Variants in ADGRL3 observed in about 807,000 individuals in gnomAD.
ADGRL3 encodes calcium-independent alpha-latrotoxin receptor 3.
ADGRL3 carries 62 observed loss-of-function variants against 153.5 expected under a neutral mutation model. The observed-to-expected ratio is 0.40, with a 90% CI of 0.33 to 0.50. ADGRL3 has a LOEUF of 0.50. ADGRL3 is among the 20% of genes least tolerant of loss of function. ADGRL3 has a pLI of 0.47. For synonymous variants in ADGRL3, 710 were observed against 672.5 expected (o/e 1.06, Z -0.86); for missense variants, 1,641 against 1,859.4 (o/e 0.88, Z 2.16).
chr4:61,673,165 T>C (rs1019285031), intron 5 of ADGRL3, among the ~76,000 whole-genome samples: 2 of 151,960 alleles, frequency 1.3e-5, no homozygotes, highest in East Asian at 3.9e-4. Flanking sequence ...AGAATGGTAG[T>C]TTCCAGAAGC....
chr4:61,976,047 G>A (rs1236577944), intron 17 of ADGRL3, among the ~76,000 whole-genome samples: 1 of 152,038 alleles, frequency 6.6e-6, no homozygotes, highest in Non-Finnish European at 1.5e-5. Context: ...TAATAGAAGT[G>A]GGAATATAAT....
intron 3 of ADGRL3, among the ~76,000 whole-genome samples, chr4:61,504,996 T>C (rs1255210494): frequency 6.6e-6 from 1 of 152,174 alleles, no homozygotes; most frequent in African/African-American, 2.4e-5. Context: ...TTCTGGATCA[T>C]ACAGTAGTTC....
At chr4:61,616,055 C>A (rs1401502283) in intron 5 of ADGRL3, among the ~76,000 whole-genome samples, 3 of 151,938 alleles carry the variant, frequency 2.0e-5, no homozygotes, top group African/African-American at 7.3e-5. Flanking sequence ...TCATATTGAA[C>A]ATTATGAGGA....
At chr4:61,717,191 AGTTT>A (rs1310290989) in intron 6 of ADGRL3, among the ~76,000 whole-genome samples, 1 of 124,962 alleles carries the variant, frequency 8.0e-6, no homozygotes, top group African/African-American at 3.1e-5. Flanking sequence ...TAGGCCACAT[AGTTT>A]ATGTGTGTGT....
At chr4:61,670,291 C>T (rs1347581688) in intron 5 of ADGRL3, among the ~76,000 whole-genome samples, 1 of 151,670 alleles carries the variant, frequency 6.6e-6, no homozygotes, top group Non-Finnish European at 1.5e-5. Flanking sequence ...AGACTTCTCT[C>T]AAAAATATAT....
At chr4:61,559,248 C>T (rs1003269059) in intron 4 of ADGRL3, among the ~76,000 whole-genome samples, 1 of 152,072 alleles carries the variant, frequency 6.6e-6, no homozygotes, top group Admixed American at 6.6e-5. Context: ...CATCTTCTTA[C>T]TACATAAAAT....
intron 1 of ADGRL3, among the ~76,000 whole-genome samples, chr4:61,352,504 C>T (rs746551982): frequency 6.6e-6 from 1 of 151,882 alleles, no homozygotes; most frequent in Non-Finnish European, 1.5e-5. Context: ...CCTGCCTCAG[C>T]CTCCCGAGTA....
chr4:61,877,060 G>A (rs1302950250), intron 9 of ADGRL3, among the ~76,000 whole-genome samples: 1 of 152,130 alleles, frequency 6.6e-6, no homozygotes, highest in East Asian at 1.9e-4. Context: ...GCAGAACATG[G>A]ATTGGAGGGC....
intron 3 of ADGRL3, among the ~76,000 whole-genome samples, chr4:61,513,061 T>C (rs2098472120): frequency 6.6e-6 from 1 of 152,120 alleles, no homozygotes; most frequent in Non-Finnish European, 1.5e-5. Context: ...CTCTGATAAA[T>C]ATGCCCAGGT....
intron 8 of ADGRL3, among the ~76,000 whole-genome samples, chr4:61,779,227 T>C (rs1213975446): frequency 6.6e-6 from 1 of 152,182 alleles, no homozygotes; most frequent in Non-Finnish European, 1.5e-5. Context: ...TATGTGCATA[T>C]AGATTACACT....
chr4:61,907,539 G>A (rs920857326), intron 11 of ADGRL3, among the ~76,000 whole-genome samples: 2 of 151,736 alleles, frequency 1.3e-5, no homozygotes, highest in Admixed American at 6.6e-5. Context: ...TTACAGGCAT[G>A]AGCCACCGTG....
intron 2 of ADGRL3, among the ~76,000 whole-genome samples, chr4:61,466,435 A>G (rs1308818036): frequency 1.1e-4 from 16 of 152,224 alleles, no homozygotes; most frequent in Admixed American, 1.0e-3. Context: ...TAAAATGTTC[A>G]TTCTATAATT....
intron 4 of ADGRL3, among the ~76,000 whole-genome samples, chr4:61,574,936 A>G (rs1206555015): frequency 6.6e-6 from 1 of 151,780 alleles, no homozygotes; most frequent in African/African-American, 2.4e-5. Context: ...ATTATTATTA[A>G]TGTTTGCAAG....
chr4:61,368,283 T>G (rs2096448046), intron 1 of ADGRL3, among the ~76,000 whole-genome samples: 1 of 152,228 alleles, frequency 6.6e-6, no homozygotes, highest in South Asian at 2.1e-4. Context: ...TGCCATTGCT[T>G]TTGAATGAAG....
intron 9 of ADGRL3, among the ~76,000 whole-genome samples, chr4:61,836,578 C>T (rs1408430892): frequency 1.3e-5 from 2 of 151,886 alleles, no homozygotes; most frequent in Admixed American, 6.6e-5. Flanking sequence ...ATCTGAAGTA[C>T]CCATAATTTC....
intron 19 of ADGRL3, among the ~76,000 whole-genome samples, chr4:61,991,174 A>T (rs771836096): frequency 3.3e-5 from 5 of 152,002 alleles, no homozygotes; most frequent in Non-Finnish European, 5.9e-5. Flanking sequence ...TACAAACATG[A>T]TCAGCAACGT....
At chr4:61,687,948 A>G (rs1330169105) in intron 6 of ADGRL3, among the ~76,000 whole-genome samples, 3 of 152,104 alleles carry the variant, frequency 2.0e-5, no homozygotes, top group Non-Finnish European at 4.4e-5. Flanking sequence ...AAAACATTCT[A>G]TGAAGTCCAA....
At chr4:61,632,559 A>T (rs1352300862) in intron 5 of ADGRL3, among the ~76,000 whole-genome samples, 1 of 152,140 alleles carries the variant, frequency 6.6e-6, no homozygotes, top group African/African-American at 2.4e-5. Flanking sequence ...TTCATGATAA[A>T]ATTGAACTAG....
chr4:61,834,421 C>CGT (rs1343037747), intron 9 of ADGRL3, among the ~76,000 whole-genome samples: 1 of 152,076 alleles, frequency 6.6e-6, no homozygotes, highest in Non-Finnish European at 1.5e-5. Flanking sequence ...AATAAACATA[C>CGT]GTGTGCATGT....
Sources: allele counts gnomAD v4.1 joint callset (sites outside exome capture counted in the v4.1 genomes callset), GRCh38; gene constraint gnomAD v4.1.1; transcripts MANE v1.5; gene names NCBI Gene and HGNC (gene_info 2026-07-23, HGNC 2026-07-21).